Variants in TBC1D22A observed in about 807,000 individuals in gnomAD.
The protein encoded by TBC1D22A is putative GTPase activator.
A neutral mutation model predicts 60.2 loss-of-function variants in TBC1D22A; 38 were observed. The ratio of observed to expected loss-of-function variants is 0.63; its 90% CI spans 0.49 to 0.83. The LOEUF is 0.83. Among genes scored for constraint, TBC1D22A ranks in the 40% least tolerant of loss-of-function variants. The pLI, the probability that TBC1D22A is intolerant of heterozygous loss-of-function variation, is 0.00. For missense variants in TBC1D22A, 628 were observed against 701.0 expected, an observed-to-expected ratio of 0.90 and a Z score of 1.18; for synonymous variants, 302 against 281.7, an observed-to-expected ratio of 1.07 and a Z score of -0.72.
intron 8 of TBC1D22A, among the ~76,000 whole-genome samples, chr22:46,919,812 A>AT (rs2070632979): frequency 6.7e-6 from 1 of 149,800 alleles, no homozygotes; most frequent in Non-Finnish European, 1.5e-5. Context: ...TCAAACTGTG[A>AT]TAAAAACTCA....
intron 4 of TBC1D22A, among the ~76,000 whole-genome samples, chr22:46,837,508 C>T (rs1569110447): frequency 6.6e-6 from 1 of 152,070 alleles, no homozygotes; most frequent in Non-Finnish European, 1.5e-5. Flanking sequence ...CAAAACAAGT[C>T]TTAACAAATT....
At chr22:46,832,204 A>G (rs2086340322) in intron 4 of TBC1D22A, among the ~76,000 whole-genome samples, 1 of 152,204 alleles carries the variant, frequency 6.6e-6, no homozygotes, top group African/African-American at 2.4e-5. Context: ...GCCAAACTGG[A>G]GACCAGGTGG....
chr22:46,891,442 T>G (rs1353393872), intron 6 of TBC1D22A, 48 bp downstream of exon 6: 1 of 1,544,514 alleles, frequency 6.5e-7, no homozygotes, highest in Non-Finnish European at 8.7e-7. Flanking sequence ...TACTTTGCTT[T>G]GCTGTGATTT....
intron 12 of TBC1D22A, among the ~76,000 whole-genome samples, chr22:47,166,049 A>T (rs560392014): frequency 6.4e-4 from 98 of 152,342 alleles, no homozygotes; most frequent in Admixed American, 1.4e-3. Context: ...TCATCTTTGC[A>T]TGTTGGCAAT....
At chr22:46,984,298 C>G (rs1238592641) in intron 9 of TBC1D22A, among the ~76,000 whole-genome samples, 1 of 131,790 alleles carries the variant, frequency 7.6e-6, no homozygotes, top group Non-Finnish European at 1.5e-5. Context: ...ACCTGGGAGA[C>G]AGAGGTTGCA....
chr22:46,995,532 T>TGAGA (rs368456742), intron 9 of TBC1D22A, among the ~76,000 whole-genome samples: 1 of 150,756 alleles, frequency 6.6e-6, no homozygotes, highest in Non-Finnish European at 1.5e-5. Flanking sequence ...TGTGTGTGTG[T>TGAGA]GAGAGAGAAA....
chr22:46,946,063 T>C (rs914558328), intron 8 of TBC1D22A, among the ~76,000 whole-genome samples: 2 of 152,202 alleles, frequency 1.3e-5, no homozygotes, highest in Admixed American at 1.3e-4. Flanking sequence ...CAGTATTGGC[T>C]CTTATCGTTT....
intron 5 of TBC1D22A, among the ~76,000 whole-genome samples, chr22:46,883,554 TTG>T (rs2067957431): frequency 2.0e-5 from 3 of 152,106 alleles, no homozygotes; most frequent in Admixed American, 2.0e-4. Context: ...CTTTTAGAAT[TTG>T]TGTTTCAAGT....
In TBC1D22A at chr22:46,780,391, C is replaced by G. The variant is rs945589380; in HGVS notation, c.63-12129C>G. Among the ~76,000 whole-genome samples, 9 of 152,260 alleles carry G rather than the reference C, an allele frequency of 5.9e-5. 1 individual carries two copies. The highest frequency in any genetic ancestry group is 2.2e-4 in the African/African-American group (9 of 41,550). On this transcript the variant is annotated intron_variant, in intron 1 of 12. Transcript: ENST00000337137. ...ATACTTTTATTTTCTTTCACTCTTC[C>G]CTGTTTCCCTCACTGCTATTTTCAC... is the stretch of plus-strand genomic sequence containing the variant.
chr22:46,951,466 G>A (rs1189262625), intron 8 of TBC1D22A, among the ~76,000 whole-genome samples: 1 of 152,188 alleles, frequency 6.6e-6, no homozygotes, highest in Non-Finnish European at 1.5e-5. Flanking sequence ...ATTGCCCGGG[G>A]CAGTGAGTAC....
chr22:46,823,532 C>T (rs192212598), intron 4 of TBC1D22A, among the ~76,000 whole-genome samples: 41 of 152,214 alleles, frequency 2.7e-4, no homozygotes, highest in Non-Finnish European at 5.0e-4. Flanking sequence ...GGCAGGTGCC[C>T]GCGTGGTGTT....
intron 7 of TBC1D22A, among the ~76,000 whole-genome samples, chr22:46,896,601 A>G (rs1200869816): frequency 6.6e-6 from 1 of 151,928 alleles, no homozygotes; most frequent in African/African-American, 2.4e-5. Context: ...CATCTCCCAT[A>G]TTTGTTATGT....
chr22:47,122,552 C>T (rs370498914), intron 12 of TBC1D22A, among the ~76,000 whole-genome samples: 51 of 152,306 alleles, frequency 3.3e-4, no homozygotes, highest in African/African-American at 1.1e-3. Context: ...CATGTATGGC[C>T]ACCTGATGAG....
chr22:47,001,849 T>C (rs1423044553), intron 10 of TBC1D22A, among the ~76,000 whole-genome samples: 2 of 152,168 alleles, frequency 1.3e-5, no homozygotes, highest in African/African-American at 4.8e-5. Context: ...AGTCTTAAAG[T>C]TTATTTTGTT....
intron 1 of TBC1D22A, among the ~76,000 whole-genome samples, chr22:46,775,555 C>T (rs2083668900): frequency 6.6e-6 from 1 of 152,102 alleles, no homozygotes; most frequent in Admixed American, 6.5e-5. Context: ...GTAGGTGATT[C>T]CTGTGCGGCC....
At chr22:46,918,730 G>A (rs2070545258) in intron 8 of TBC1D22A, among the ~76,000 whole-genome samples, 1 of 152,202 alleles carries the variant, frequency 6.6e-6, no homozygotes, top group Non-Finnish European at 1.5e-5. Context: ...TGTCACATCA[G>A]CTCCCTGCCC....
At chr22:46,966,994 C>T (rs1427531565) in intron 8 of TBC1D22A, among the ~76,000 whole-genome samples, 3 of 152,132 alleles carry the variant, frequency 2.0e-5, no homozygotes, top group Non-Finnish European at 2.9e-5. Flanking sequence ...GCTGCCACCT[C>T]GTCTAGCCAT....
chr22:46,981,857 G>T (rs140335778), intron 9 of TBC1D22A, among the ~76,000 whole-genome samples: 1 of 152,344 alleles, frequency 6.6e-6, no homozygotes, highest in African/African-American at 2.4e-5. Flanking sequence ...GTACTGCACA[G>T]TTTGGGCAAA....
At chr22:47,140,322 A>G (rs1225497141) in intron 12 of TBC1D22A, among the ~76,000 whole-genome samples, 1 of 152,126 alleles carries the variant, frequency 6.6e-6, no homozygotes, top group East Asian at 1.9e-4. Context: ...CTGTAATCCC[A>G]GCACTTTGGG....
Sources: gnomAD v4.1 joint callset for allele counts (sites outside exome capture counted in the v4.1 genomes callset) on GRCh38, gnomAD v4.1.1 for gene constraint, MANE v1.5 for transcripts, NCBI Gene and HGNC (gene_info 2026-07-23, HGNC 2026-07-21) for gene names.